Variants in C8A observed in about 807,000 individuals in gnomAD.
C8A encodes complement component C8 alpha chain.
A neutral mutation model predicts 65.3 loss-of-function variants in C8A; 67 were observed. The ratio of observed to expected loss-of-function variants is 1.03; its 90% CI spans 0.84 to 1.26. C8A has a LOEUF of 1.26. Among genes scored for constraint, C8A ranks in the 50% most tolerant of loss-of-function variants. The probability of loss-of-function intolerance (pLI) is 0.00; values close to 1 mark genes in which losing one functional copy is unlikely to be tolerated. For synonymous variants in C8A, 290 were observed against 259.4 expected (o/e 1.12, Z -1.13); for missense variants, 781 against 723.9 (o/e 1.08, Z -0.90).
intron 3 of C8A, among the ~76,000 whole-genome samples, chr1:56,875,837 G>A (rs1391165605): frequency 6.6e-6 from 1 of 152,112 alleles, no homozygotes; most frequent in African/African-American, 2.4e-5. Flanking sequence ...ATTACTGGGG[G>A]CTGCAATGTG....
intron 4 of C8A, among the ~76,000 whole-genome samples, chr1:56,877,417 T>C (rs1426771692): frequency 6.6e-6 from 1 of 152,124 alleles, no homozygotes; most frequent in African/African-American, 2.4e-5. Flanking sequence ...CTCACAGCTC[T>C]TACCCAATAG....
intron 4 of C8A, 29 bp from the exon 5 acceptor site, chr1:56,881,416 C>G (rs1177241850): frequency 6.2e-7 from 1 of 1,610,372 alleles, no homozygotes; most frequent in Non-Finnish European, 8.5e-7. Flanking sequence ...CATCCACTAG[C>G]TATTTAGAAG....
chr1:56,880,839 T>A (rs1479861989), intron 4 of C8A, among the ~76,000 whole-genome samples: 4 of 152,182 alleles, frequency 2.6e-5, no homozygotes, highest in African/African-American at 9.6e-5. Flanking sequence ...TAAGAACTGC[T>A]TTTTACAAAT....
intron 7 of C8A, among the ~76,000 whole-genome samples, chr1:56,903,094 G>A (rs1314895186): frequency 6.6e-6 from 1 of 152,110 alleles, no homozygotes; most frequent in African/African-American, 2.4e-5. Context: ...TATTTTGTCT[G>A]TAGGGTAGGA....
chr1:56,881,149 C>T (rs1208588917), intron 4 of C8A, among the ~76,000 whole-genome samples: 2 of 152,114 alleles, frequency 1.3e-5, no homozygotes, highest in Non-Finnish European at 2.9e-5. Flanking sequence ...TGGAGGAACC[C>T]CAGGGCTCCA....
intron 3 of C8A, among the ~76,000 whole-genome samples, chr1:56,875,778 G>C (rs1644192661): frequency 6.6e-6 from 1 of 152,078 alleles, no homozygotes; most frequent in Admixed American, 6.6e-5. Context: ...AGAACCACTG[G>C]AGGATACTGA....
intron 5 of C8A, 85 bp downstream of exon 5, chr1:56,881,719 G>A (rs937616796): frequency 5.1e-5 from 66 of 1,300,680 alleles, no homozygotes; most frequent in Non-Finnish European, 6.9e-5. Flanking sequence ...GACTTGCTCT[G>A]GAAGCTTTTG....
chr1:56,917,165 G>A (rs1644559220), intron 10 of C8A, among the ~76,000 whole-genome samples: 1 of 152,184 alleles, frequency 6.6e-6, no homozygotes, highest in Non-Finnish European at 1.5e-5. Flanking sequence ...TCCATCCAGA[G>A]TTTCAAATTA....
intron 4 of C8A, among the ~76,000 whole-genome samples, chr1:56,879,397 G>A (rs1644229394): frequency 6.6e-6 from 1 of 152,084 alleles, no homozygotes; most frequent in South Asian, 2.1e-4. Flanking sequence ...TTTTAACTGG[G>A]GCTTTCACAA....
chr1:56,861,147 A>G (rs896917177), intron 1 of C8A, among the ~76,000 whole-genome samples: 2 of 152,208 alleles, frequency 1.3e-5, no homozygotes, highest in African/African-American at 4.8e-5. Flanking sequence ...TGTTTTATTG[A>G]GCACCTATTA....
chr1:56,869,186 C>T (rs1159490224), intron 2 of C8A, among the ~76,000 whole-genome samples: 1 of 152,132 alleles, frequency 6.6e-6, no homozygotes, highest in Non-Finnish European at 1.5e-5. Context: ...CCCTTCCACC[C>T]GAGTCCCCAA....
At chr1:56,914,353 G>A (rs1236025716) in intron 10 of C8A, among the ~76,000 whole-genome samples, 1 of 152,154 alleles carries the variant, frequency 6.6e-6, no homozygotes, top group African/African-American at 2.4e-5. Flanking sequence ...TCTTCCAAGG[G>A]ATGGTCGGGC....
rs764501500 is a variant in C8A, at chr1:56,886,175, A to G, written c.1096+8A>G. On this transcript the variant is annotated splice_region_variant and intron_variant, in intron 7 of 10. Transcript: ENST00000361249. ...CAAAAATGGAATCCCTTGGTAAGTA[A>G]AGCAGAAGCTCTATGTACACAGTAG... 8.7e-6 allele frequency: 14 copies of G among 1,613,720 alleles called. No homozygotes were observed. The highest frequency in any genetic ancestry group is 9.3e-6 in the Non-Finnish European group (11 of 1,179,896).
At chr1:56,900,779 G>A (rs1214781887) in intron 7 of C8A, among the ~76,000 whole-genome samples, 1 of 152,174 alleles carries the variant, frequency 6.6e-6, no homozygotes, top group South Asian at 2.1e-4. Flanking sequence ...CCTCCTGGGG[G>A]GCTTGGCACA....
Position 56,883,691 on chromosome 1 carries a change from CATA to C in C8A, c.855+13_855+15del. The C allele has an allele frequency of 6.2e-7, 1 of 1,606,520 alleles. No homozygotes were observed. Among genetic ancestry groups the C allele is most frequent in the Non-Finnish European group, 8.5e-7 (1 of 1,173,556 alleles). On this transcript the variant is annotated intron_variant, in intron 6 of 10. Transcript: ENST00000361249. ...CAAGTATAATGAGAAGGTATTCAAA[CATA>C]ATGTCTGTGTCTCACAGTATTCCAT...
intron 2 of C8A, among the ~76,000 whole-genome samples, chr1:56,873,336 G>A (rs1644164611): frequency 6.6e-6 from 1 of 152,136 alleles, no homozygotes. Flanking sequence ...CTTACTCAGA[G>A]CTCACACAGT....
At chr1:56,894,062 T>A (rs1479585570) in intron 7 of C8A, among the ~76,000 whole-genome samples, 1 of 152,168 alleles carries the variant, frequency 6.6e-6, no homozygotes, top group Non-Finnish European at 1.5e-5. Context: ...GTGTAGGTGT[T>A]ATTATTACCA....
At chr1:56,878,431 C>T (rs1346598223) in intron 4 of C8A, among the ~76,000 whole-genome samples, 1 of 152,100 alleles carries the variant, frequency 6.6e-6, no homozygotes, top group African/African-American at 2.4e-5. Flanking sequence ...TAATCCCTTC[C>T]TTATTGGCAG....
chr1:56,879,101 C>T (rs781028411), intron 4 of C8A, among the ~76,000 whole-genome samples: 7 of 152,128 alleles, frequency 4.6e-5, no homozygotes, highest in African/African-American at 1.4e-4. Context: ...TTTTACCCTG[C>T]GATGACAGAG....
Sources: gnomAD v4.1 joint callset for allele counts (sites outside exome capture counted in the v4.1 genomes callset) on GRCh38, gnomAD v4.1.1 for gene constraint, MANE v1.5 for transcripts, NCBI Gene and HGNC (gene_info 2026-07-23, HGNC 2026-07-21) for gene names.